The following ARFGEF1 variants were observed in gnomAD, a reference collection of about 807,000 sequenced individuals.
ARFGEF1 encodes the protein ARF guanine nucleotide exchange factor 1, also known as brefeldin A-inhibited guanine nucleotide-exchange protein 1.
Under a neutral mutation model 231.0 loss-of-function variants are expected in ARFGEF1, and 42 were observed. The observed-to-expected ratio is 0.18, with a 90% confidence interval of 0.14 to 0.24. The LOEUF is 0.24. ARFGEF1 is among the 10% of genes least tolerant of loss of function. The pLI is 1.00. For synonymous variants in ARFGEF1, 710 were observed against 732.3 expected (o/e 0.97, Z 0.49); for missense variants, 1,345 against 2,192.0 (o/e 0.61, Z 7.72).
intron 4 of ARFGEF1, 98 bp from the exon 5 acceptor site, chr8:67,296,708 T>A: frequency 1.1e-6 from 1 of 945,176 alleles, no homozygotes. Flanking sequence ...TGGAGTGCAG[T>A]AGTGTGATCA....
chr8:67,190,676 A>G lies in ARFGEF1; in HGVS notation c.560+9720T>C, dbSNP rs1835971322. 4.3e-6 allele frequency: 7 copies of G among 1,614,024 alleles called. No individual in the cohort carries two copies. Among genetic ancestry groups the G allele is most frequent in the Non-Finnish European group, 5.9e-6 (7 of 1,180,002 alleles). On this transcript the variant is annotated intron_variant, in intron 5 of 5. Coordinates refer to the ARFGEF1 transcript ENST00000518789. ...GGCTTACGGTGAGACATATCCTGCC[A>G]TTGAAGATGACGTCCTCCCTCCACC...
chr8:67,303,985 A>G (rs1316676098), intron 1 of ARFGEF1, among the ~76,000 whole-genome samples: 1 of 152,192 alleles, frequency 6.6e-6, no homozygotes, highest in African/African-American at 2.4e-5. Context: ...CAAAGGCTGC[A>G]TGGCTTGGAC....
chr8:67,227,127 GA>G lies in ARFGEF1; in HGVS notation c.3916+9del. Reference sequence around the variant, plus strand: ...TCCTTTTACTTGAACACAGCTAAGAGAATACTCACTGACAATGTGCCCGGTT... The same window carrying G: ...TCCTTTTACTTGAACACAGCTAAGAGATACTCACTGACAATGTGCCCGGTT... On this transcript the variant is annotated intron_variant, in intron 27 of 38. Coordinates refer to ENST00000262215, the MANE Select transcript of ARFGEF1 (RefSeq NM_006421.5). 1 of 1,606,538 alleles carries G rather than the reference GA, an allele frequency of 6.2e-7. No individual in the cohort carries two copies. Among genetic ancestry groups the G allele is most frequent in the Non-Finnish European group, 8.5e-7 (1 of 1,175,310 alleles).
intron 1 of ARFGEF1, among the ~76,000 whole-genome samples, chr8:67,333,955 G>A (rs1350086057): frequency 6.6e-6 from 1 of 151,790 alleles, no homozygotes; most frequent in Non-Finnish European, 1.5e-5. Context: ...TGGCCAACAT[G>A]GCAAAACCCC....
At position 67,204,737 on chromosome 8, in the gene ARFGEF1, A is replaced by G; in HGVS notation, c.4902T>C (p.Ile1634=). 1 of 1,613,918 alleles carries G rather than the reference A, an allele frequency of 6.2e-7. No homozygotes were observed. The highest frequency in any genetic ancestry group is 8.5e-7 in the Non-Finnish European group (1 of 1,179,940). ...QLELIQTIDN[I]VFFPATSKKE... is the part of the protein sequence containing the mutation. ...TCTTACTTGTGGCTGGGAAGAAGAC[A>G]ATGTTGTCGATAGTCTGGATGAGTT... Residue 1634 remains isoleucine, a synonymous_variant, in exon 35 of 39, where the codon ATT becomes ATC. Transcript: ENST00000262215.
chr8:67,266,180 A>G lies in ARFGEF1; in HGVS notation c.1949T>C (p.Met650Thr), dbSNP rs1356109154. 1 of 1,613,636 alleles carries G rather than the reference A, an allele frequency of 6.2e-7. No individual in the cohort carries two copies. The highest frequency in any genetic ancestry group is 2.2e-5 in the East Asian group (1 of 44,844). ...TGTCTCAGGGTGTTTGATTTCACTC[A>G]TCTCTTGCTCTGAGGGTTTTTCCTG... is the stretch of plus-strand genomic sequence containing the variant. The part of the protein sequence containing the change: ...LGQEKPSEQE[M>T]SEIKHPETIN... Residue 650 changes from methionine to threonine, a missense_variant, in exon 14 of 39, where the codon ATG becomes ACG. Coordinates refer to ENST00000262215, the MANE Select transcript of ARFGEF1 (RefSeq NM_006421.5).
chr8:67,327,406 C>G (rs1052050447), intron 1 of ARFGEF1, among the ~76,000 whole-genome samples: 2 of 151,620 alleles, frequency 1.3e-5, no homozygotes, highest in Admixed American at 1.3e-4. Context: ...CAACCTTCGC[C>G]TCCCAGGTTC....
intron 6 of ARFGEF1, among the ~76,000 whole-genome samples, chr8:67,290,935 T>C (rs948147527): frequency 1.3e-5 from 2 of 152,064 alleles, no homozygotes; most frequent in African/African-American, 4.8e-5. Flanking sequence ...TTCATGCCAC[T>C]ACTAAGTTTT....
chr8:67,199,387 G>A (rs1412458882), intron 38 of ARFGEF1: 2 of 276,998 alleles, frequency 7.2e-6, no homozygotes, highest in East Asian at 1.9e-4. Context: ...CAGCAGGCAA[G>A]TGAGTACAAA....
chr8:67,194,753 TAATA>T (rs1837438737), downstream of ARFGEF1, among the ~76,000 whole-genome samples: 1 of 151,232 alleles, frequency 6.6e-6, no homozygotes, highest in Non-Finnish European at 1.5e-5. Flanking sequence ...TTATACCTAA[TAATA>T]AATAAAAGTA....
At chr8:67,307,631 T>C (rs1054361323) in intron 1 of ARFGEF1, among the ~76,000 whole-genome samples, 2 of 152,174 alleles carry the variant, frequency 1.3e-5, no homozygotes, top group Non-Finnish European at 2.9e-5. Context: ...GAAGAGTTAA[T>C]GGTCATGTTT....
At chr8:67,181,765 A>G (rs1254719648) in intron 5 of ARFGEF1, among the ~76,000 whole-genome samples, 1 of 152,198 alleles carries the variant, frequency 6.6e-6, no homozygotes, top group Non-Finnish European at 1.5e-5. Context: ...AACCACCACT[A>G]TCATCCATCT....
intron 5 of ARFGEF1, among the ~76,000 whole-genome samples, chr8:67,178,211 TTACCA>T (rs1330082397): frequency 6.6e-6 from 1 of 152,160 alleles, no homozygotes; most frequent in Non-Finnish European, 1.5e-5. Context: ...TTTGCTGTCA[TTACCA>T]TGAGCAGTAG....
chr8:67,218,493 G>A (rs1290883635), intron 30 of ARFGEF1, among the ~76,000 whole-genome samples: 2 of 151,732 alleles, frequency 1.3e-5, no homozygotes. Context: ...CCTTGCTCTA[G>A]AATATGACAG....
intron 8 of ARFGEF1, 142 bp downstream of exon 8, chr8:67,277,140 A>G: frequency 1.2e-6 from 1 of 846,500 alleles, no homozygotes; most frequent in Non-Finnish European, 1.8e-6. Context: ...GAAGGAAAAA[A>G]AACCCCAAGT....
rs189640961 is a variant in ARFGEF1 at position 67,208,210 on chromosome 8, C to T, written c.4819+3273G>A. Reference sequence around the variant, plus strand: ...TCCTCTTTAAGAAATTAGCAAAATACAGTGACTGAAGATAGAAGGTCCTTT... The same window carrying T: ...TCCTCTTTAAGAAATTAGCAAAATATAGTGACTGAAGATAGAAGGTCCTTT... On this transcript the variant is annotated intron_variant, in intron 34 of 38. Coordinates refer to ENST00000262215, the MANE Select transcript of ARFGEF1 (RefSeq NM_006421.5). Among the ~76,000 whole-genome samples the T allele has an allele frequency of 1.1e-3, 163 of 152,234 alleles. 2 individuals are homozygous for T. Among genetic ancestry groups the T allele is most frequent in the Admixed American group, 1.7e-3 (26 of 15,298 alleles).
At chr8:67,184,943 C>CAAAAAAAAAA (rs796384901) in intron 5 of ARFGEF1, among the ~76,000 whole-genome samples, 21 of 56,012 alleles carry the variant, frequency 3.7e-4, no homozygotes, top group East Asian at 2.1e-3. Flanking sequence ...ACTAAAAATA[C>CAAAAAAAAAA]AAAAAAAAAA....
intron 27 of ARFGEF1, among the ~76,000 whole-genome samples, chr8:67,226,518 A>G (rs1839377479): frequency 6.6e-6 from 1 of 152,166 alleles, no homozygotes; most frequent in African/African-American, 2.4e-5. Context: ...TGGAAATAAT[A>G]ATAATATACA....
chr8:67,248,151 T>C (rs999322034), intron 19 of ARFGEF1, among the ~76,000 whole-genome samples: 4 of 150,198 alleles, frequency 2.7e-5, no homozygotes, highest in African/African-American at 7.5e-5. Context: ...CTACAATTTA[T>C]ATGGAATCAA....
Sources: allele counts gnomAD v4.1 joint callset (sites outside exome capture counted in the v4.1 genomes callset), GRCh38; gene constraint gnomAD v4.1.1; transcripts MANE v1.5; gene names NCBI Gene and HGNC (gene_info 2026-07-23, HGNC 2026-07-21).